AGBL1: variants seen among roughly 807,000 people sequenced by gnomAD.
The protein encoded by AGBL1 is cytosolic carboxypeptidase 4.
In AGBL1, 130 loss-of-function variants were observed where a neutral mutation model predicts 118.9. The observed-to-expected ratio is 1.09, with a 90% CI of 0.95 to 1.26. AGBL1 has a LOEUF of 1.26. Ranked by LOEUF, AGBL1 falls within the 50% of genes most tolerant of loss-of-function variation. AGBL1 has a pLI of 0.00. For synonymous variants in AGBL1, 555 were observed against 478.9 expected (o/e 1.16, Z -2.08); for missense variants, 1,584 against 1,298.1 (o/e 1.22, Z -3.38).
At chr15:86,668,034 A>AG (rs2085678093) in intron 21 of AGBL1, among the ~76,000 whole-genome samples, 2 of 152,132 alleles carry the variant, frequency 1.3e-5, no homozygotes, top group South Asian at 4.1e-4. Context: ...TGAGAACAGC[A>AG]AGAGAGAGAG....
intron 22 of AGBL1, among the ~76,000 whole-genome samples, chr15:86,866,794 G>A (rs1184698717): frequency 2.0e-5 from 3 of 152,228 alleles, no homozygotes; most frequent in Non-Finnish European, 4.4e-5. Flanking sequence ...AGAGGTTGCA[G>A]TGAGCTGAGG....
chr15:86,855,989 T>G (rs1364438237), intron 22 of AGBL1, among the ~76,000 whole-genome samples: 1 of 152,206 alleles, frequency 6.6e-6, no homozygotes, highest in Non-Finnish European at 1.5e-5. Flanking sequence ...AGCTCAAGAT[T>G]AGTAAGGACA....
chr15:86,271,043 ATTTTTTT>A (rs58166692), intron 14 of AGBL1, among the ~76,000 whole-genome samples: 4 of 89,062 alleles, frequency 4.5e-5, no homozygotes, highest in East Asian at 2.9e-4. Flanking sequence ...GTCACGTTGC[ATTTTTTT>A]TTTTTTTTTT....
At chr15:86,611,953 C>T (rs1031718948) in intron 21 of AGBL1, among the ~76,000 whole-genome samples, 1 of 152,108 alleles carries the variant, frequency 6.6e-6, no homozygotes, top group Non-Finnish European at 1.5e-5. Context: ...GTGTTCTGCT[C>T]AGTAGAGGTC....
intron 21 of AGBL1, among the ~76,000 whole-genome samples, chr15:86,617,760 G>GCACACACACA (rs5814253): frequency 3.8e-4 from 56 of 146,922 alleles, no homozygotes; most frequent in African/African-American, 1.2e-3. Context: ...AACTTTATGC[G>GCACACACACA]CACACACACA....
At chr15:86,341,414 C>T (rs151105997) in intron 17 of AGBL1, among the ~76,000 whole-genome samples, 27 of 152,228 alleles carry the variant, frequency 1.8e-4, no homozygotes, top group African/African-American at 6.5e-4. Flanking sequence ...TGAGGTCATT[C>T]TTGGGTCCTG....
intron 18 of AGBL1, among the ~76,000 whole-genome samples, chr15:86,432,513 T>C (rs1219898841): frequency 6.6e-6 from 1 of 152,238 alleles, no homozygotes; most frequent in South Asian, 2.1e-4. Flanking sequence ...AGTGCCATTT[T>C]TATTGTATTC....
rs181706764 is a variant in AGBL1, at chr15:86,677,205, T to G, written c.3158+2769T>G. Among the ~76,000 whole-genome samples, 6 of 152,256 alleles carry G rather than the reference T, an allele frequency of 3.9e-5. No individual in the cohort carries two copies. In the East Asian group the frequency reaches 7.7e-4, roughly 20 times the overall value. ...AAAAACAATTAGAGTGTACTCAATATCCACAGAGCAACTCAACATTTTTCA... is the reference window on the plus strand; with the variant it reads ...AAAAACAATTAGAGTGTACTCAATAGCCACAGAGCAACTCAACATTTTTCA... On this transcript the variant is annotated intron_variant, in intron 22 of 22. Transcript: ENST00000614907.
chr15:86,576,369 C>A (rs2084092050), intron 21 of AGBL1, among the ~76,000 whole-genome samples: 1 of 151,878 alleles, frequency 6.6e-6, no homozygotes, highest in Non-Finnish European at 1.5e-5. Context: ...AGCACAGGCA[C>A]TGTCACTGAA....
intron 22 of AGBL1, among the ~76,000 whole-genome samples, chr15:86,848,105 C>T (rs2079344575): frequency 6.6e-6 from 1 of 151,982 alleles, no homozygotes; most frequent in Non-Finnish European, 1.5e-5. Context: ...ACAGACTGGA[C>T]CCACTCTGTT....
chr15:86,330,587 A>G (rs1001235078), intron 17 of AGBL1, among the ~76,000 whole-genome samples: 1 of 152,232 alleles, frequency 6.6e-6, no homozygotes, highest in African/African-American at 2.4e-5. Flanking sequence ...ATGTAGTGAT[A>G]CCACCAAAGG....
At chr15:86,789,342 G>A (rs1389985010) in intron 22 of AGBL1, among the ~76,000 whole-genome samples, 1 of 152,230 alleles carries the variant, frequency 6.6e-6, no homozygotes, top group African/African-American at 2.4e-5. Flanking sequence ...AGTTAAGAGG[G>A]TGAGATAGAG....
intron 20 of AGBL1, among the ~76,000 whole-genome samples, chr15:86,552,316 T>C (rs913722243): frequency 2.2e-4 from 33 of 151,928 alleles, no homozygotes; most frequent in African/African-American, 7.5e-4. Flanking sequence ...AAAGCCTTTT[T>C]ATTTTTTTTA....
At chr15:86,583,257 C>A (rs186205324) in intron 21 of AGBL1, among the ~76,000 whole-genome samples, 1 of 152,066 alleles carries the variant, frequency 6.6e-6, no homozygotes, top group East Asian at 1.9e-4. Flanking sequence ...ATTCCTCCTG[C>A]CACCAAGGTA....
intron 22 of AGBL1, among the ~76,000 whole-genome samples, chr15:86,846,456 TCTTA>T (rs1363790767): frequency 3.3e-5 from 5 of 152,252 alleles, no homozygotes; most frequent in East Asian, 1.9e-4. Flanking sequence ...AATGTGTCTA[TCTTA>T]CTTAGAATTT....
intron 22 of AGBL1, among the ~76,000 whole-genome samples, chr15:86,810,046 C>T (rs142548157): frequency 6.6e-6 from 1 of 152,268 alleles, no homozygotes; most frequent in Non-Finnish European, 1.5e-5. Context: ...CCTGGGTTCA[C>T]TACAACTTAA....
At chr15:86,399,495 G>T (rs1221315619) in intron 18 of AGBL1, among the ~76,000 whole-genome samples, 1 of 152,150 alleles carries the variant, frequency 6.6e-6, no homozygotes, top group Non-Finnish European at 1.5e-5. Context: ...CATATGATTC[G>T]TTGGGAATTC....
intron 5 of AGBL1, among the ~76,000 whole-genome samples, chr15:86,191,189 AC>A (rs1343719876): frequency 6.6e-6 from 1 of 151,830 alleles, no homozygotes; most frequent in African/African-American, 2.4e-5. Context: ...TACTAAAAAT[AC>A]AAAAAAAATT....
In AGBL1 at chr15:86,530,660, T is replaced by G. The variant is rs1161189294; in HGVS notation, c.2685+7721T>G. ...CCCCAAATCAACAGAATATACATTC[T>G]TCTCAGCACCACACCACACCTATTC... On this transcript the variant is annotated intron_variant, in intron 19 of 22. Coordinates refer to ENST00000614907, the MANE Select transcript of AGBL1 (RefSeq NM_001386094.1). Among the ~76,000 whole-genome samples, 5 of 152,006 alleles carry G rather than the reference T, an allele frequency of 3.3e-5. No individual in the cohort carries two copies. In the East Asian group the frequency reaches 9.7e-4, roughly 29 times the overall value.
Sources: gnomAD v4.1 joint callset for allele counts (sites outside exome capture counted in the v4.1 genomes callset) on GRCh38, gnomAD v4.1.1 for gene constraint, MANE v1.5 for transcripts, NCBI Gene and HGNC (gene_info 2026-07-23, HGNC 2026-07-21) for gene names.